SLC30A7: variants seen among roughly 807,000 people sequenced by gnomAD.
SLC30A7 encodes the protein solute carrier family 30 member 7, also known as zinc transporter 7.
Under a neutral mutation model 46.0 loss-of-function variants are expected in SLC30A7, and 35 were observed. That is an observed-to-expected ratio of 0.76 (90% CI 0.58 to 1.01). The LOEUF (loss-of-function observed/expected upper bound fraction) is 1.01, where lower values mean the gene tolerates loss of function less well. Among genes scored for constraint, SLC30A7 ranks in the 50% least tolerant of loss-of-function variants. The pLI is 0.00. For missense variants in SLC30A7, 464 were observed against 451.1 expected, an observed-to-expected ratio of 1.03 and a Z score of -0.26; for synonymous variants, 147 against 157.8, an observed-to-expected ratio of 0.93 and a Z score of 0.51.
intron 8 of SLC30A7, among the ~76,000 whole-genome samples, chr1:100,925,596 T>C (rs1368903502): frequency 6.6e-6 from 1 of 152,132 alleles, no homozygotes; most frequent in Non-Finnish European, 1.5e-5. Flanking sequence ...AATATAAATG[T>C]GTGGGTCAGG....
intron 7 of SLC30A7, among the ~76,000 whole-genome samples, chr1:100,918,415 C>T (rs185262279): frequency 1.8e-3 from 275 of 152,208 alleles, no homozygotes; most frequent in Admixed American, 3.9e-3. Flanking sequence ...TGCTTGCTTG[C>T]GCCCAAGAGT....
At chr1:100,916,799 C>G (rs1652591849) in intron 6 of SLC30A7, among the ~76,000 whole-genome samples, 2 of 146,536 alleles carry the variant, frequency 1.4e-5, no homozygotes, top group African/African-American at 5.0e-5. Flanking sequence ...TCCTTCTACT[C>G]TCTGCTTCCA....
intron 8 of SLC30A7, 42 bp from the exon 9 acceptor site, chr1:100,961,786 C>A: frequency 1.6e-6 from 2 of 1,239,700 alleles, no homozygotes; most frequent in Non-Finnish European, 2.3e-6. Flanking sequence ...ATGGGATTAG[C>A]AGAATGTGAC....
downstream of SLC30A7, among the ~76,000 whole-genome samples, chr1:100,985,762 G>A (rs1657230286): frequency 6.6e-6 from 1 of 152,056 alleles, no homozygotes; most frequent in African/African-American, 2.4e-5. Context: ...TGAGTCTGTT[G>A]AATTTGTGAT....
intron 3 of SLC30A7, among the ~76,000 whole-genome samples, chr1:100,909,777 A>G (rs1231255810): frequency 6.6e-6 from 1 of 152,136 alleles, no homozygotes; most frequent in Non-Finnish European, 1.5e-5. Context: ...CTTGCCTTTG[A>G]TCTTGAAATC....
Position 100,896,104 on chromosome 1 carries a change from T to G in SLC30A7, c.-159T>G, listed in dbSNP as rs921073557. 1.5e-6 allele frequency: 1 copy of G among 657,192 alleles called. No individual in the cohort carries two copies. The highest frequency in any genetic ancestry group is 1.8e-5 in the African/African-American group (1 of 55,950). 40.7% of individuals were successfully genotyped at this position (657,192 alleles called of 1,614,324 possible). On this transcript the variant is annotated 5_prime_UTR_variant, in exon 1 of 11. The change creates a new upstream start codon in the 5' untranslated region. Coordinates refer to ENST00000357650, the MANE Select transcript of SLC30A7 (RefSeq NM_133496.5). ...CGGCCCGGGCCGGAAGTAAGCGAAT[T>G]CCCGGGTGTGTGTCTGTGTCTGTCT...
intron 8 of SLC30A7, among the ~76,000 whole-genome samples, chr1:100,927,696 G>T (rs976802043): frequency 6.6e-6 from 1 of 152,176 alleles, no homozygotes; most frequent in African/African-American, 2.4e-5. Context: ...AGATTTAACA[G>T]GTTTGGGGTT....
chr1:100,992,836 C>T, the SLC30A7 span: 2 of 757,058 alleles, frequency 2.6e-6, no homozygotes, highest in South Asian at 3.6e-5. Context: ...TCAAGTACCA[C>T]AGTCTACATT....
At chr1:100,948,977 C>T (rs933896513) in intron 8 of SLC30A7, among the ~76,000 whole-genome samples, 4 of 152,180 alleles carry the variant, frequency 2.6e-5, no homozygotes, top group African/African-American at 9.7e-5. Context: ...TGGGTTAGAA[C>T]ATGCTCCTTT....
At chr1:100,926,811 C>T (rs1653333469) in intron 8 of SLC30A7, among the ~76,000 whole-genome samples, 1 of 152,076 alleles carries the variant, frequency 6.6e-6, no homozygotes, top group East Asian at 1.9e-4. Context: ...GGGAGACAGT[C>T]AATAAAGCAA....
intron 7 of SLC30A7, among the ~76,000 whole-genome samples, chr1:100,919,683 CCTTT>C (rs779177547): frequency 6.6e-5 from 10 of 151,850 alleles, no homozygotes; most frequent in Non-Finnish European, 1.3e-4. Context: ...GTTAGATTTG[CCTTT>C]CTAATTCTCT....
At chr1:100,959,927 A>G (rs766978963) in intron 8 of SLC30A7, among the ~76,000 whole-genome samples, 1 of 152,288 alleles carries the variant, frequency 6.6e-6, no homozygotes, top group Middle Eastern at 3.4e-3. Context: ...AAAGATACGG[A>G]TATTATTGTG....
chr1:100,928,873 CAG>C (rs1300121228), intron 8 of SLC30A7, among the ~76,000 whole-genome samples: 13 of 152,102 alleles, frequency 8.5e-5, no homozygotes, highest in African/African-American at 2.9e-4. Context: ...TGGTCAGCAT[CAG>C]AGAGCATTCA....
chr1:100,921,875 G>A (rs992210282), intron 8 of SLC30A7, 34 bp downstream of exon 8: 2 of 1,523,934 alleles, frequency 1.3e-6, no homozygotes, highest in Non-Finnish European at 1.8e-6. Context: ...GTATTAAAGT[G>A]AGACTGAGAG....
At chr1:100,970,862 A>T (rs1656124649) in intron 10 of SLC30A7, among the ~76,000 whole-genome samples, 1 of 152,120 alleles carries the variant, frequency 6.6e-6, no homozygotes, top group South Asian at 2.1e-4. Flanking sequence ...CATGTTAAAG[A>T]AACATGTAGA....
intron 2 of SLC30A7, among the ~76,000 whole-genome samples, chr1:100,898,097 A>G (rs1651082375): frequency 6.6e-6 from 1 of 150,766 alleles, no homozygotes; most frequent in Admixed American, 6.6e-5. Context: ...ATATATGCAT[A>G]TTTTGTATCA....
chr1:100,903,968 G>A (rs916768365), intron 2 of SLC30A7, among the ~76,000 whole-genome samples: 11 of 152,136 alleles, frequency 7.2e-5, no homozygotes, highest in African/African-American at 2.2e-4. Flanking sequence ...AATTAATAAT[G>A]TGATTTATTA....
intron 2 of SLC30A7, among the ~76,000 whole-genome samples, chr1:100,905,811 C>T (rs1651622326): frequency 6.6e-6 from 1 of 151,860 alleles, no homozygotes; most frequent in Admixed American, 6.6e-5. Context: ...GACTTTATAC[C>T]ACATCCTTTG....
chr1:100,921,706 G>C lies in SLC30A7; in HGVS notation c.707G>C (p.Gly236Ala). The stretch of plus-strand genomic sequence containing the variant: ...GATTTTTATTATGGTTTATTTCTAG[G>C]TGTATTTTTACATATCCTAGCAGAT... ...TTGPSRQILQ[G>A]VFLHILADTL... Residue 236 changes from glycine (G) to alanine (A), a missense_variant and splice_region_variant, in exon 8 of 11, where the codon GGT becomes GCT. Coordinates refer to ENST00000357650, the MANE Select transcript of SLC30A7 (RefSeq NM_133496.5). 6.2e-7 allele frequency: 1 copy of C among 1,605,740 alleles called. No individual in the cohort carries two copies. Among genetic ancestry groups the C allele is most frequent in the Non-Finnish European group, 8.5e-7 (1 of 1,174,198 alleles).
Sources: gnomAD v4.1 joint callset for allele counts (sites outside exome capture counted in the v4.1 genomes callset) on GRCh38, gnomAD v4.1.1 for gene constraint, MANE v1.5 for transcripts, NCBI Gene and HGNC (gene_info 2026-07-23, HGNC 2026-07-21) for gene names.